The following DYM variants were observed in gnomAD, a reference collection of about 807,000 sequenced individuals.
DYM encodes the protein dyggve-Melchior-Clausen syndrome protein.
DYM carries 78 observed loss-of-function variants against 93.1 expected under a neutral mutation model. The observed-to-expected ratio is 0.84, with a 90% confidence interval of 0.70 to 1.01. DYM has a LOEUF of 1.01. Among genes scored for constraint, DYM ranks in the 50% least tolerant of loss-of-function variants. The probability of loss-of-function intolerance (pLI) is 0.00; values close to 1 mark genes in which losing one functional copy is unlikely to be tolerated. For synonymous variants in DYM, 321 were observed against 319.7 expected (o/e 1.00, Z -0.04); for missense variants, 789 against 845.0 (o/e 0.93, Z 0.82).
At chr18:49,216,090 C>G (rs182865959) in intron 13 of DYM, among the ~76,000 whole-genome samples, 1 of 152,196 alleles carries the variant, frequency 6.6e-6, no homozygotes, top group Non-Finnish European at 1.5e-5. Flanking sequence ...CGGTGCACCA[C>G]GAGATTATAT....
chr18:49,436,797 C>T (rs149411395), intron 1 of DYM, among the ~76,000 whole-genome samples: 170 of 152,150 alleles, frequency 1.1e-3, no homozygotes, highest in African/African-American at 3.8e-3. Flanking sequence ...CTCTGTGCTT[C>T]ATTAAAATTA....
chr18:49,214,574 A>C (rs901762983), intron 13 of DYM, among the ~76,000 whole-genome samples: 3 of 152,084 alleles, frequency 2.0e-5, no homozygotes, highest in Non-Finnish European at 4.4e-5. Flanking sequence ...AAAAAAAAAA[A>C]AGATAAATTT....
intron 2 of DYM, among the ~76,000 whole-genome samples, chr18:49,423,359 A>T (rs1156669328): frequency 6.6e-6 from 1 of 152,250 alleles, no homozygotes; most frequent in Non-Finnish European, 1.5e-5. Context: ...GAACAAAGAC[A>T]CAACATACCA....
intron 11 of DYM, among the ~76,000 whole-genome samples, chr18:49,259,982 G>A (rs1476798453): frequency 6.6e-6 from 1 of 151,984 alleles, no homozygotes; most frequent in Non-Finnish European, 1.5e-5. Context: ...TTAGGAAGCT[G>A]GAATTTTTTA....
chr18:49,321,647 A>T (rs769056216), intron 8 of DYM, among the ~76,000 whole-genome samples: 16 of 152,190 alleles, frequency 1.1e-4, no homozygotes, highest in Non-Finnish European at 1.8e-4. Context: ...TGCATCATAA[A>T]CACTATTCCA....
chr18:49,428,013 C>T (rs905221930), intron 2 of DYM, among the ~76,000 whole-genome samples: 25 of 152,192 alleles, frequency 1.6e-4, no homozygotes, highest in African/African-American at 6.0e-4. Flanking sequence ...ATCACTTGAG[C>T]CCAGGAGTTC....
chr18:49,385,907 C>T (rs2068568879), intron 3 of DYM, among the ~76,000 whole-genome samples: 1 of 151,674 alleles, frequency 6.6e-6, no homozygotes, highest in Non-Finnish European at 1.5e-5. Flanking sequence ...CAATGAATTT[C>T]CCAAAATTGT....
chr18:49,312,361 C>T (rs1041124375), intron 8 of DYM, among the ~76,000 whole-genome samples: 1 of 152,192 alleles, frequency 6.6e-6, no homozygotes, highest in Admixed American at 6.5e-5. Context: ...CCACCCTTCA[C>T]CTATTTTACA....
chr18:49,168,435 G>A (rs1463422714), intron 14 of DYM, among the ~76,000 whole-genome samples: 2 of 152,202 alleles, frequency 1.3e-5, no homozygotes, highest in African/African-American at 4.8e-5. Context: ...AAAGCAGCAT[G>A]TAAACAGAAT....
chr18:49,355,365 T>C (rs549573158), intron 6 of DYM, among the ~76,000 whole-genome samples: 22 of 149,240 alleles, frequency 1.5e-4, no homozygotes, highest in Admixed American at 3.3e-4. Context: ...GATAGGTACA[T>C]TGATAGATAG....
chr18:49,259,501 G>C (rs922168562), intron 11 of DYM, among the ~76,000 whole-genome samples: 13 of 152,334 alleles, frequency 8.5e-5, no homozygotes, highest in African/African-American at 3.1e-4. Context: ...GATAGGGAGA[G>C]AGTGCTATAG....
intron 11 of DYM, among the ~76,000 whole-genome samples, chr18:49,267,395 A>G (rs1395081421): frequency 6.6e-6 from 1 of 152,224 alleles, no homozygotes; most frequent in Non-Finnish European, 1.5e-5. Context: ...TTGATTTAAT[A>G]TTCAATAAAT....
At chr18:49,195,999 C>A (rs893802747) in intron 14 of DYM, among the ~76,000 whole-genome samples, 1 of 139,724 alleles carries the variant, frequency 7.2e-6, no homozygotes, top group Non-Finnish European at 1.5e-5. Context: ...TCTCGGCTCA[C>A]TGCAACCTTC....
chr18:49,044,111 C>A lies in DYM; in HGVS notation c.2119G>T (p.Val707Phe). ...YVWSLVYNSA[V>F]GLYWNPQDIQ... ...TCCTGTGGATTCCAGTACAGGCCGA[C>A]TGCTGAGTTGTAGACAAGAGACCAG... The change falls in exon 18 of 18, where the codon GTC becomes TTC. Residue 707 changes from valine to phenylalanine, a missense_variant. Physicochemically the swap from Val to Phe is conservative, Grantham distance 50. Around this residue, in one of 3 missense-constraint regions of DYM, gnomAD observed 114 missense variants for 105.8 expected, o/e 1.08. Coordinates refer to ENST00000675505, the MANE Select transcript of DYM (RefSeq NM_001353214.3). 6.2e-7 allele frequency: 1 copy of A among 1,614,132 alleles called. No individual in the cohort carries two copies. The highest frequency in any genetic ancestry group is 8.5e-7 in the Non-Finnish European group (1 of 1,180,040).
chr18:49,212,815 A>G lies in DYM; in HGVS notation c.1461-3100T>C, dbSNP rs529941733. Among the ~76,000 whole-genome samples, 8 of 148,394 alleles carry G rather than the reference A, an allele frequency of 5.4e-5. No individual in the cohort carries two copies. The South Asian group carries it at 1.3e-3, about 23-fold the overall frequency. ...TCCGGCCTAATTTATTTTTAATCTG[A>G]AAAAAAAAATAGAACTGATCTTTTT... On this transcript the variant is annotated intron_variant, in intron 13 of 17. Coordinates refer to ENST00000675505, the MANE Select transcript of DYM (RefSeq NM_001353214.3).
At chr18:49,436,428 G>A (rs1309198768) in intron 1 of DYM, among the ~76,000 whole-genome samples, 2 of 152,156 alleles carry the variant, frequency 1.3e-5, no homozygotes, top group Non-Finnish European at 2.9e-5. Flanking sequence ...CATTAACTCT[G>A]AGGAGTATAC....
At chr18:49,097,162 C>A in intron 17 of DYM, 1 of 563,308 alleles carries the variant, frequency 1.8e-6, no homozygotes, top group Non-Finnish European at 3.2e-6. Context: ...ATAAGGTGTC[C>A]TTTTATTAAC....
intron 13 of DYM, among the ~76,000 whole-genome samples, chr18:49,234,882 T>C (rs2093814153): frequency 6.6e-6 from 1 of 152,194 alleles, no homozygotes; most frequent in Non-Finnish European, 1.5e-5. Context: ...CATCATTTGA[T>C]GTGCCAGTTA....
intron 8 of DYM, among the ~76,000 whole-genome samples, chr18:49,325,809 A>G (rs958729426): frequency 1.3e-5 from 2 of 152,216 alleles, no homozygotes; most frequent in African/African-American, 4.8e-5. Context: ...TACTGCACTC[A>G]TTGTCAGATT....
Sources: gnomAD v4.1 joint callset for allele counts (sites outside exome capture counted in the v4.1 genomes callset) on GRCh38, gnomAD v4.1.1 for gene constraint, gnomAD v4.1.1 regional missense constraint, MANE v1.5 for transcripts, NCBI Gene and HGNC (gene_info 2026-07-23, HGNC 2026-07-21) for gene names.